STK24: variants seen among roughly 807,000 people sequenced by gnomAD.
The protein encoded by STK24 is serine/threonine-protein kinase 24.
STK24 carries 21 observed loss-of-function variants against 55.6 expected under a neutral mutation model. The observed-to-expected ratio is 0.38, with a 90% CI of 0.27 to 0.54. STK24 has a LOEUF of 0.54. Ranked by LOEUF, STK24 falls within the 20% of genes least tolerant of loss-of-function variation. The pLI is 0.79. For synonymous variants in STK24, 200 were observed against 215.2 expected (o/e 0.93, Z 0.62); for missense variants, 383 against 538.4 (o/e 0.71, Z 2.86).
At chr13:98,572,364 C>T (rs928260625) in intron 1 of STK24, among the ~76,000 whole-genome samples, 1 of 152,166 alleles carries the variant, frequency 6.6e-6, no homozygotes, top group Non-Finnish European at 1.5e-5. Flanking sequence ...CAGTGACACA[C>T]CAACCTTCCC....
chr13:98,544,175 C>A (rs1043904518), intron 1 of STK24, among the ~76,000 whole-genome samples: 5 of 152,240 alleles, frequency 3.3e-5, no homozygotes, highest in African/African-American at 1.2e-4. Context: ...CCACAGATGA[C>A]AAAGACTACC....
intron 1 of STK24, among the ~76,000 whole-genome samples, chr13:98,557,051 G>T (rs1224290317): frequency 1.3e-5 from 2 of 152,168 alleles, no homozygotes; most frequent in South Asian, 2.1e-4. Flanking sequence ...TGCTGCTGCC[G>T]TGTGGACACT....
At chr13:98,457,422 T>C in intron 9 of STK24, 118 bp from the exon 10 acceptor site, 1 of 1,434,536 alleles carries the variant, frequency 7.0e-7, no homozygotes, top group Non-Finnish European at 9.5e-7. Flanking sequence ...CCCCAGGGTG[T>C]CCGGGAAAAG....
intron 2 of STK24, among the ~76,000 whole-genome samples, chr13:98,518,737 G>A (rs773897016): frequency 5.9e-5 from 9 of 152,140 alleles, no homozygotes; most frequent in Admixed American, 1.3e-4. Flanking sequence ...TATAACTACC[G>A]TTTTATTTAA....
intron 1 of STK24, among the ~76,000 whole-genome samples, chr13:98,555,970 CCG>C (rs2072806563): frequency 1.3e-5 from 2 of 151,636 alleles, no homozygotes; most frequent in Admixed American, 1.3e-4. Context: ...GCGTGAGCCA[CCG>C]TGCGGGCTAC....
intron 1 of STK24, among the ~76,000 whole-genome samples, chr13:98,541,218 C>A (rs1289490573): frequency 2.0e-5 from 3 of 151,964 alleles, no homozygotes; most frequent in Non-Finnish European, 2.9e-5. Flanking sequence ...TTGAGTTGGT[C>A]CGGGGATAAT....
At chr13:98,519,187 G>T in intron 2 of STK24, 56 bp downstream of exon 2, 1 of 1,429,470 alleles carries the variant, frequency 7.0e-7, no homozygotes, top group Non-Finnish European at 9.8e-7. Context: ...CCCATTCCCT[G>T]CTGGCACCTC....
At chr13:98,488,551 G>A (rs1474243515) in intron 2 of STK24, among the ~76,000 whole-genome samples, 1 of 152,080 alleles carries the variant, frequency 6.6e-6, no homozygotes, top group Non-Finnish European at 1.5e-5. Flanking sequence ...TAAAGTAGGA[G>A]TTTTTAACAT....
intron 1 of STK24, among the ~76,000 whole-genome samples, chr13:98,554,830 C>T (rs1897244356): frequency 6.6e-6 from 1 of 151,878 alleles, no homozygotes; most frequent in Admixed American, 6.6e-5. Context: ...GCTTGACCAA[C>T]ATGGTGAAAC....
chr13:98,463,682 C>A lies in STK24; in HGVS notation c.929+9G>T. ...CACACATGCTTGGGTCACTCAGGGG[C>A]CGACTTACGCGTCGGAATCCTCGGA... On this transcript the variant is annotated intron_variant, in intron 7 of 10. Transcript: ENST00000539966. The A allele has an allele frequency of 6.2e-7, 1 of 1,612,482 alleles. No individual in the cohort carries two copies. Among genetic ancestry groups the A allele is most frequent in the Non-Finnish European group, 8.5e-7 (1 of 1,178,902 alleles).
rs796358865 is a variant in STK24 at position 98,460,357 on chromosome 13, C to T, written c.1122+15G>A. On this transcript the variant is annotated intron_variant, in intron 9 of 10. Transcript: ENST00000539966. ...CCCTCCCCTCCCACTCCGAAAAGGC[C>T]AGCCAGGTACCTACCTCTGCAAACA... is the stretch of plus-strand genomic sequence containing the variant. 1.9e-6 allele frequency: 3 copies of T among 1,612,154 alleles called. No homozygotes were observed. Among genetic ancestry groups the T allele is most frequent in the Admixed American group, 1.7e-5 (1 of 59,874 alleles).
intron 1 of STK24, among the ~76,000 whole-genome samples, chr13:98,565,433 G>C (rs945728297): frequency 6.6e-6 from 1 of 152,080 alleles, no homozygotes; most frequent in Non-Finnish European, 1.5e-5. Flanking sequence ...CTTGAGACCA[G>C]CCTGGCCAAC....
chr13:98,527,824 C>G (rs879319737), intron 1 of STK24, among the ~76,000 whole-genome samples: 1 of 152,160 alleles, frequency 6.6e-6, no homozygotes, highest in Non-Finnish European at 1.5e-5. Context: ...GGCACACCGT[C>G]GAAAATCCCA....
intron 1 of STK24, among the ~76,000 whole-genome samples, chr13:98,531,335 C>CAAATGAAA (rs1203377754): frequency 1.3e-5 from 2 of 152,092 alleles, no homozygotes; most frequent in Admixed American, 1.3e-4. Context: ...GTTTATAAAC[C>CAAATGAAA]AAATGAAAAA....
chr13:98,550,263 G>C (rs1436516957), intron 1 of STK24, among the ~76,000 whole-genome samples: 2 of 152,324 alleles, frequency 1.3e-5, no homozygotes, highest in South Asian at 2.1e-4. Context: ...AACAGGCCAA[G>C]CACAGTGGCT....
intron 1 of STK24, among the ~76,000 whole-genome samples, chr13:98,551,633 C>G (rs1394703233): frequency 6.6e-6 from 1 of 152,112 alleles, no homozygotes; most frequent in African/African-American, 2.4e-5. Flanking sequence ...CCTCTACCCA[C>G]CAGCACCTTC....
chr13:98,536,578 G>T (rs1280569697), intron 1 of STK24, among the ~76,000 whole-genome samples: 2 of 151,828 alleles, frequency 1.3e-5, no homozygotes, highest in Admixed American at 1.3e-4. Context: ...TGCCCAGGAT[G>T]GTCTCTAACT....
At chr13:98,568,408 A>G (rs1380900779) in intron 1 of STK24, among the ~76,000 whole-genome samples, 12 of 152,204 alleles carry the variant, frequency 7.9e-5, no homozygotes, top group Admixed American at 7.9e-4. Context: ...AAAGTCAGCC[A>G]CAGAAGTGGG....
intron 10 of STK24, chr13:98,456,728 A>T (rs1017111719): frequency 2.8e-6 from 1 of 362,016 alleles, no homozygotes; most frequent in African/African-American, 2.1e-5. Flanking sequence ...CACACAGCTA[A>T]CACAGGGAAC....
Sources: allele counts gnomAD v4.1 joint callset (sites outside exome capture counted in the v4.1 genomes callset), GRCh38; gene constraint gnomAD v4.1.1; transcripts MANE v1.5; gene names NCBI Gene and HGNC (gene_info 2026-07-23, HGNC 2026-07-21).